Variants in GRIK3 observed in about 807,000 individuals in gnomAD.
GRIK3 encodes the protein glutamate ionotropic receptor kainate type subunit 3.
GRIK3 carries 29 observed loss-of-function variants against 102.5 expected under a neutral mutation model. That is an observed-to-expected ratio of 0.28 (90% CI 0.21 to 0.39). The LOEUF (loss-of-function observed/expected upper bound fraction) is 0.39, where lower values mean the gene tolerates loss of function less well. GRIK3 is among the 10% of genes least tolerant of loss of function. GRIK3 has a pLI of 1.00. For missense variants in GRIK3, 908 were observed against 1,252.4 expected, an observed-to-expected ratio of 0.73 and a Z score of 4.15; for synonymous variants, 511 against 504.9, an observed-to-expected ratio of 1.01 and a Z score of -0.16.
At chr1:36,868,443 G>T (rs1640809492) in intron 5 of GRIK3, among the ~76,000 whole-genome samples, 1 of 152,198 alleles carries the variant, frequency 6.6e-6, no homozygotes, top group Non-Finnish European at 1.5e-5. Context: ...GAATCGCAGG[G>T]TGGCTCCTGA....
intron 3 of GRIK3, among the ~76,000 whole-genome samples, chr1:36,873,643 C>T (rs1450217722): frequency 6.6e-6 from 1 of 151,970 alleles, no homozygotes; most frequent in East Asian, 1.9e-4. Flanking sequence ...CCACCCCTGC[C>T]CCCCCACCAC....
intron 1 of GRIK3, among the ~76,000 whole-genome samples, chr1:36,918,460 C>T (rs1014749003): frequency 1.6e-4 from 24 of 152,246 alleles, no homozygotes; most frequent in African/African-American, 4.6e-4. Context: ...TTATTAATGG[C>T]GACAAAGTAT....
chr1:36,872,428 C>T lies in GRIK3; in HGVS notation c.551-59G>A. ...TACCACATGTATCCACAGCTCCAGG[C>T]ATCCACTTGGACTTGTGTGCACACA... On this transcript the variant is annotated intron_variant, in intron 3 of 15. Coordinates refer to ENST00000373091, the MANE Select transcript of GRIK3 (RefSeq NM_000831.4). This position sits in a 1 kb window ranked among gnomAD's most constrained non-coding sequence, Gnocchi z 5.9. 7.3e-7 allele frequency: 1 copy of T among 1,365,774 alleles called. No individual in the cohort carries two copies. Among genetic ancestry groups the T allele is most frequent in the Non-Finnish European group, 1.0e-6 (1 of 996,894 alleles). 84.6% of individuals were successfully genotyped at this position (1,365,774 alleles called of 1,614,324 possible). A position where few individuals can be genotyped will look rare whatever the true frequency, so the allele number is the denominator to read the frequency against.
At chr1:37,006,771 T>C (rs1313589324) in intron 1 of GRIK3, among the ~76,000 whole-genome samples, 1 of 152,182 alleles carries the variant, frequency 6.6e-6, no homozygotes, top group Non-Finnish European at 1.5e-5. Context: ...TTGGCAGCTA[T>C]GCGATGGATC....
At chr1:36,904,455 T>C (rs1329437412) in intron 1 of GRIK3, among the ~76,000 whole-genome samples, 1 of 152,218 alleles carries the variant, frequency 6.6e-6, no homozygotes, top group African/African-American at 2.4e-5. Flanking sequence ...GCCATCGTGA[T>C]TGTGTGTATG....
chr1:36,958,247 GT>G (rs1641949587), intron 1 of GRIK3, among the ~76,000 whole-genome samples: 1 of 92,670 alleles, frequency 1.1e-5, no homozygotes. Context: ...GAGCCTGTGT[GT>G]CCCATGACTC....
intron 1 of GRIK3, among the ~76,000 whole-genome samples, chr1:36,976,615 G>A (rs1198909108): frequency 5.3e-5 from 8 of 152,068 alleles, no homozygotes; most frequent in Non-Finnish European, 1.0e-4. Context: ...GACCCAGGAG[G>A]TATGAAATCG....
At position 36,827,205 on chromosome 1, in the gene GRIK3, G is replaced by A. The variant is rs182915668; in HGVS notation, c.1531-1379C>T. ...TATTTGCCTGTGAATTTCTGAGTGCGGCTGGAGCTGGGGCGGAGTCTCTGC... is the reference window on the plus strand; with the variant it reads ...TATTTGCCTGTGAATTTCTGAGTGCAGCTGGAGCTGGGGCGGAGTCTCTGC... On this transcript the variant is annotated intron_variant, in intron 10 of 15. Transcript: ENST00000373091. Among the ~76,000 whole-genome samples the A allele has an allele frequency of 2.3e-3, 345 of 152,264 alleles. 5 individuals are homozygous for A. The highest frequency in any genetic ancestry group is 0.017 in the South Asian group (81 of 4,818).
intron 1 of GRIK3, among the ~76,000 whole-genome samples, chr1:36,920,762 C>T (rs961470005): frequency 6.6e-6 from 1 of 152,232 alleles, no homozygotes; most frequent in African/African-American, 2.4e-5. Flanking sequence ...ACACCCACAC[C>T]TGAGTTTCAC....
rs35508388 is a variant in GRIK3 at position 37,032,486 on chromosome 1, T to TG, written c.115+1507dup. ...AATAAAGGAAGTGCTGGTCCATTAC[T>TG]GGGGGGGGAAGGGGAGGCTTCCTGC... On this transcript the variant is annotated intron_variant, in intron 1 of 15. Coordinates refer to ENST00000373091, the MANE Select transcript of GRIK3 (RefSeq NM_000831.4). Among the ~76,000 whole-genome samples the TG allele has an allele frequency of 8.6e-3, 1,227 of 143,386 alleles. 5 individuals are homozygous for TG. Among genetic ancestry groups the TG allele is most frequent in the Non-Finnish European group, 0.01 (696 of 66,568 alleles). The allele number at this position is 143,386 out of a possible 152,430, so 94.1% of individuals were successfully genotyped here.
At chr1:36,864,479 A>T (rs1287746089) in intron 5 of GRIK3, among the ~76,000 whole-genome samples, 1 of 152,204 alleles carries the variant, frequency 6.6e-6, no homozygotes, top group Non-Finnish European at 1.5e-5. Flanking sequence ...AAAGCTTTAG[A>T]CTGCCCAGGG....
intron 1 of GRIK3, among the ~76,000 whole-genome samples, chr1:36,957,810 CTA>C (rs1641939587): frequency 7.3e-6 from 1 of 137,132 alleles, no homozygotes; most frequent in African/African-American, 2.8e-5. Context: ...CCCAATGAAC[CTA>C]TGTGTCCCGT....
chr1:36,816,640 C>T (rs1642634937), intron 13 of GRIK3, among the ~76,000 whole-genome samples: 1 of 152,186 alleles, frequency 6.6e-6, no homozygotes, highest in Non-Finnish European at 1.5e-5. Flanking sequence ...AGATTTGGCC[C>T]TGCTGCTGTC....
chr1:36,960,997 G>T (rs1025353500), intron 1 of GRIK3, among the ~76,000 whole-genome samples: 3 of 152,210 alleles, frequency 2.0e-5, no homozygotes, highest in African/African-American at 2.4e-5. Context: ...GTGGGTCAGT[G>T]GTCATTCCAC....
intron 4 of GRIK3, 123 bp from the exon 5 acceptor site, chr1:36,869,924 G>C: frequency 1.4e-6 from 1 of 716,354 alleles, no homozygotes; most frequent in Admixed American, 2.0e-5. Flanking sequence ...TTGGAGTAAG[G>C]TGTCCTCTGA....
intron 2 of GRIK3, among the ~76,000 whole-genome samples, chr1:36,887,808 TGAGAGA>T (rs55876095): frequency 1.6e-5 from 2 of 127,492 alleles, no homozygotes; most frequent in South Asian, 2.4e-4. Flanking sequence ...AGAGAGAGAG[TGAGAGA>T]GAGAGAGAGA....
rs116004684 is a variant in GRIK3 at position 36,986,850 on chromosome 1, T to A, written c.115+47144A>T. Among the ~76,000 whole-genome samples, 530 of 152,258 alleles carry A rather than the reference T, an allele frequency of 3.5e-3. 4 individuals carry two copies. The highest frequency in any genetic ancestry group is 0.012 in the African/African-American group (487 of 41,526). On this transcript the variant is annotated intron_variant, in intron 1 of 15. Coordinates refer to ENST00000373091, the MANE Select transcript of GRIK3 (RefSeq NM_000831.4). ...AGAGGTGTCTTGTGACAGTTTTAGC[T>A]CCACAATTAATAACTTTGGGGTCAA...
chr1:36,869,715 C>T (rs753990887), intron 5 of GRIK3, 33 bp downstream of exon 5: 12 of 1,510,226 alleles, frequency 7.9e-6, no homozygotes, highest in Non-Finnish European at 1.1e-5. Context: ...GAGTCCCACC[C>T]CTTTCCCGTG....
intron 1 of GRIK3, among the ~76,000 whole-genome samples, chr1:36,958,129 GTCTGTGTGCCCCGTGAC>G (rs777368786): frequency 0.016 from 2,012 of 126,992 alleles, 141 homozygotes; most frequent in Non-Finnish European, 0.027. Context: ...TGTCCCATGA[GTCTGTGTGCCCCGTGAC>G]TCTGTGCCCT....
Sources: gnomAD v4.1 joint callset for allele counts (sites outside exome capture counted in the v4.1 genomes callset) on GRCh38, gnomAD v4.1.1 for gene constraint, Gnocchi (gnomAD v3.1) non-coding constraint, MANE v1.5 for transcripts, NCBI Gene and HGNC (gene_info 2026-07-23, HGNC 2026-07-21) for gene names.